ZMAT4: variants seen among roughly 807,000 people sequenced by gnomAD.
The protein encoded by ZMAT4 is zinc finger matrin-type 4.
ZMAT4 carries 17 observed loss-of-function variants against 28.7 expected under a neutral mutation model. The observed-to-expected ratio is 0.59, with a 90% CI of 0.41 to 0.89. The LOEUF (loss-of-function observed/expected upper bound fraction) is 0.89, where lower values mean the gene tolerates loss of function less well. Among genes scored for constraint, ZMAT4 ranks in the 40% least tolerant of loss-of-function variants. The pLI is 0.00. For missense variants in ZMAT4, 240 were observed against 283.8 expected, an observed-to-expected ratio of 0.85 and a Z score of 1.11; for synonymous variants, 117 against 109.2, an observed-to-expected ratio of 1.07 and a Z score of -0.44.
intron 2 of ZMAT4, among the ~76,000 whole-genome samples, chr8:40,809,136 A>C (rs934066391): frequency 2.6e-5 from 4 of 152,204 alleles, no homozygotes; most frequent in Non-Finnish European, 5.9e-5. Flanking sequence ...AAAAAGAAAA[A>C]ATTGTGTCCT....
rs375295702 is a variant in ZMAT4 at position 40,766,833 on chromosome 8, C to T, written c.192+808G>A. ...TTAATTTTTAATGAGAAAAGAAAAC[C>T]GTCATCTACATGGCAGCAGAAAGAA... On this transcript the variant is annotated intron_variant, in intron 3 of 6. Coordinates refer to ENST00000297737, the MANE Select transcript of ZMAT4 (RefSeq NM_024645.3). Among the ~76,000 whole-genome samples the T allele has an allele frequency of 1.2e-4, 19 of 152,248 alleles. No individual in the cohort carries two copies. In the South Asian group the frequency reaches 1.5e-3, roughly 12 times the overall value.
Position 40,794,786 on chromosome 8 carries a change from A to G in ZMAT4, c.103-27056T>C, listed in dbSNP as rs1366965581. ...TTTCTCCTCTCTGGGTCTTTGTCTC[A>G]GCTGGGGACACAAACGGCCAGCTGT... On this transcript the variant is annotated intron_variant, in intron 2 of 6. Transcript: ENST00000297737. Among the ~76,000 whole-genome samples, 11 of 151,740 alleles carry G rather than the reference A, an allele frequency of 7.2e-5. No homozygotes were observed. In the East Asian group the frequency reaches 2.1e-3, roughly 29 times the overall value.
chr8:40,742,226 T>A (rs1416694976), intron 3 of ZMAT4, among the ~76,000 whole-genome samples: 1 of 151,894 alleles, frequency 6.6e-6, no homozygotes, highest in Middle Eastern at 3.2e-3. Context: ...CCAGCCTGGG[T>A]GACAGAGTGA....
At chr8:40,793,679 A>C (rs1224246304) in intron 2 of ZMAT4, among the ~76,000 whole-genome samples, 1 of 152,168 alleles carries the variant, frequency 6.6e-6, no homozygotes, top group Non-Finnish European at 1.5e-5. Context: ...TAATGTCCCC[A>C]ATGTTTTCAA....
At chr8:40,633,180 A>G (rs1806658577) in intron 5 of ZMAT4, among the ~76,000 whole-genome samples, 1 of 152,206 alleles carries the variant, frequency 6.6e-6, no homozygotes, top group African/African-American at 2.4e-5. Flanking sequence ...TGCTATAGCC[A>G]TGGGAGCTCA....
intron 3 of ZMAT4, among the ~76,000 whole-genome samples, chr8:40,702,728 A>G (rs1270100058): frequency 1.3e-5 from 2 of 152,212 alleles, no homozygotes; most frequent in East Asian, 1.9e-4. Context: ...GAAACTCCTT[A>G]TGGAGAAAAC....
chr8:40,758,148 G>A (rs763623460), intron 3 of ZMAT4, among the ~76,000 whole-genome samples: 4 of 152,054 alleles, frequency 2.6e-5, no homozygotes, highest in Non-Finnish European at 4.4e-5. Flanking sequence ...CCTTGTGATC[G>A]TGTGAGTCAA....
Position 40,854,447 on chromosome 8 carries a change from G to A in ZMAT4, c.-4-28767C>T, listed in dbSNP as rs765783483. Among the ~76,000 whole-genome samples, 22 of 152,272 alleles carry A rather than the reference G, an allele frequency of 1.4e-4. No individual in the cohort carries two copies. The South Asian group carries it at 2.3e-3, about 16-fold the overall frequency. On this transcript the variant is annotated intron_variant, in intron 1 of 6. Coordinates refer to ENST00000297737, the MANE Select transcript of ZMAT4 (RefSeq NM_024645.3). ...AATAGCAGATTGGTAAAACAGCTCC[G>A]AGGAATATAAGAGAACCTCAGTGAT... is the stretch of plus-strand genomic sequence containing the variant.
At chr8:40,600,953 C>G (rs1473540778) in intron 5 of ZMAT4, among the ~76,000 whole-genome samples, 1 of 152,156 alleles carries the variant, frequency 6.6e-6, no homozygotes. Flanking sequence ...CCATCCACAC[C>G]TGAACTCTTA....
intron 3 of ZMAT4, among the ~76,000 whole-genome samples, chr8:40,700,277 G>A (rs1345775187): frequency 2.0e-5 from 3 of 151,996 alleles, no homozygotes; most frequent in African/African-American, 4.8e-5. Flanking sequence ...AATCAGGACT[G>A]TGTGGGTTTT....
intron 3 of ZMAT4, among the ~76,000 whole-genome samples, chr8:40,747,924 C>G (rs1423368936): frequency 6.6e-6 from 1 of 152,032 alleles, no homozygotes; most frequent in Non-Finnish European, 1.5e-5. Flanking sequence ...ACCAATGAAA[C>G]AAGATTTTTT....
chr8:40,746,575 C>A (rs1229161324), intron 3 of ZMAT4, among the ~76,000 whole-genome samples: 1 of 151,946 alleles, frequency 6.6e-6, no homozygotes, highest in Non-Finnish European at 1.5e-5. Context: ...GCTGGCCAGG[C>A]TGGTCTCAAA....
At chr8:40,889,429 C>A (rs1026274741) in intron 1 of ZMAT4, among the ~76,000 whole-genome samples, 2 of 152,140 alleles carry the variant, frequency 1.3e-5, no homozygotes, top group African/African-American at 4.8e-5. Context: ...GTTGGAATGA[C>A]TGATTTAGAA....
intron 2 of ZMAT4, among the ~76,000 whole-genome samples, chr8:40,775,265 G>A (rs967109302): frequency 1.3e-5 from 2 of 152,148 alleles, no homozygotes; most frequent in African/African-American, 4.8e-5. Context: ...TACAGATCCC[G>A]TTGCGTTCCA....
chr8:40,852,518 G>C (rs551509313), intron 1 of ZMAT4, among the ~76,000 whole-genome samples: 1 of 152,270 alleles, frequency 6.6e-6, no homozygotes, highest in East Asian at 1.9e-4. Context: ...GCTTCACACA[G>C]ATATATAGTT....
intron 1 of ZMAT4, among the ~76,000 whole-genome samples, chr8:40,892,431 A>G (rs1475022926): frequency 6.6e-6 from 1 of 152,176 alleles, no homozygotes; most frequent in African/African-American, 2.4e-5. Context: ...AGCCAGAACT[A>G]AAGAGTCATC....
chr8:40,576,918 G>T (rs1326320474), intron 6 of ZMAT4, among the ~76,000 whole-genome samples: 3 of 152,190 alleles, frequency 2.0e-5, no homozygotes, highest in Non-Finnish European at 2.9e-5. Flanking sequence ...TGGTGGCTGG[G>T]TGTGGTGGCT....
At chr8:40,640,424 C>T (rs56117920) in intron 5 of ZMAT4, among the ~76,000 whole-genome samples, 42,797 of 152,076 alleles carry the variant, frequency 0.28, 6,182 homozygotes, top group Admixed American at 0.37. Flanking sequence ...CACAGAGGCA[C>T]TCTCATGATT....
intron 5 of ZMAT4, among the ~76,000 whole-genome samples, chr8:40,650,521 T>A (rs573427408): frequency 7.2e-4 from 95 of 132,342 alleles, no homozygotes; most frequent in African/African-American, 2.5e-3. Flanking sequence ...GTACCATTCC[T>A]TCTGAAATTA....
Sources: allele counts gnomAD v4.1 joint callset (sites outside exome capture counted in the v4.1 genomes callset), GRCh38; gene constraint gnomAD v4.1.1; transcripts MANE v1.5; gene names NCBI Gene and HGNC (gene_info 2026-07-23, HGNC 2026-07-21).